The following WDR70 variants were observed in gnomAD, a reference collection of about 807,000 sequenced individuals.
WDR70 encodes the protein WD repeat-containing protein 70.
WDR70 carries 53 observed loss-of-function variants against 88.6 expected under a neutral mutation model. The observed-to-expected ratio is 0.60, with a 90% CI of 0.48 to 0.75. The LOEUF is 0.75. Among genes scored for constraint, WDR70 ranks in the 30% least tolerant of loss-of-function variants. WDR70 has a pLI of 0.00. For missense variants in WDR70, 610 were observed against 823.2 expected (o/e 0.74, Z 3.17); for synonymous variants, 280 against 270.0 (o/e 1.04, Z -0.36).
At chr5:37,650,313 A>G (rs1412664258) in intron 10 of WDR70, among the ~76,000 whole-genome samples, 1 of 151,840 alleles carries the variant, frequency 6.6e-6, no homozygotes. Flanking sequence ...AGCGGGGAGG[A>G]TGGTGTGAAC....
In WDR70 at chr5:37,392,222, A is replaced by G. The variant is rs961831069; in HGVS notation, c.296+102A>G. 5.9e-5 allele frequency: 79 copies of G among 1,348,704 alleles called. 1 individual carries two copies. The East Asian group carries it at 1.5e-3, about 26-fold the overall frequency. 83.5% of individuals were successfully genotyped at this position (1,348,704 alleles called of 1,614,324 possible). A position where few individuals can be genotyped will look rare whatever the true frequency, so the allele number is the denominator to read the frequency against. Reference sequence around the variant, plus strand: ...TTTTTTTGAGATGGAGTCTTGCTCTATCGCCCTCTGCAGTGCAGTGGCGTG... The same window carrying G: ...TTTTTTTGAGATGGAGTCTTGCTCTGTCGCCCTCTGCAGTGCAGTGGCGTG... On this transcript the variant is annotated intron_variant, in intron 4 of 17. Coordinates refer to ENST00000265107, the MANE Select transcript of WDR70 (RefSeq NM_018034.4).
intron 10 of WDR70, among the ~76,000 whole-genome samples, chr5:37,639,962 C>T (rs745942713): frequency 3.3e-5 from 5 of 152,198 alleles, no homozygotes; most frequent in East Asian, 1.9e-4. Context: ...ATTCTCACTT[C>T]GCAGATGAGA....
At chr5:37,423,077 G>A (rs1749996009) in intron 5 of WDR70, among the ~76,000 whole-genome samples, 1 of 151,964 alleles carries the variant, frequency 6.6e-6, no homozygotes, top group Admixed American at 6.5e-5. Context: ...GAAGTGAAGA[G>A]GATGGAAGTG....
intron 11 of WDR70, among the ~76,000 whole-genome samples, chr5:37,699,402 T>TATACACACAC (rs752211783): frequency 2.8e-5 from 2 of 70,774 alleles, no homozygotes; most frequent in Non-Finnish European, 5.7e-5. Flanking sequence ...TATATATATA[T>TATACACACAC]ACACACACAC....
At chr5:37,584,308 C>A (rs1207965142) in intron 9 of WDR70, among the ~76,000 whole-genome samples, 2 of 152,186 alleles carry the variant, frequency 1.3e-5, no homozygotes, top group East Asian at 3.9e-4. Context: ...CACATTTTGA[C>A]ATTTCACGAT....
In WDR70 at chr5:37,499,590, TCTCTCTC is replaced by T. The variant is rs1561876791; in HGVS notation, c.841-16923_841-16917del. On this transcript the variant is annotated intron_variant, in intron 8 of 17. Coordinates refer to ENST00000265107, the MANE Select transcript of WDR70 (RefSeq NM_018034.4). ...TTAAATATGTGATTTGGAAATATTC[TCTCTCTC>T]TCTCTCTCTCTCTCTCTCTCTCTCT... Among the ~76,000 whole-genome samples, 299 of 134,556 alleles carry T rather than the reference TCTCTCTC, an allele frequency of 2.2e-3. 7 individuals carry two copies. The highest frequency in any genetic ancestry group is 0.016 in the Middle Eastern group (4 of 246). 88.3% of individuals were successfully genotyped at this position (134,556 alleles called of 152,430 possible). A position where few individuals can be genotyped will look rare whatever the true frequency, so the allele number is the denominator to read the frequency against.
At chr5:37,634,350 G>T (rs1217085130) in intron 10 of WDR70, among the ~76,000 whole-genome samples, 1 of 151,180 alleles carries the variant, frequency 6.6e-6, no homozygotes, top group Non-Finnish European at 1.5e-5. Context: ...CATATTTTGT[G>T]TTTCCTAATT....
At chr5:37,617,694 C>T (rs1245473542) in intron 10 of WDR70, among the ~76,000 whole-genome samples, 1 of 152,180 alleles carries the variant, frequency 6.6e-6, no homozygotes, top group Non-Finnish European at 1.5e-5. Flanking sequence ...ATAGCAGGGA[C>T]TTGATAAGTA....
intron 9 of WDR70, among the ~76,000 whole-genome samples, 194 bp downstream of exon 9, chr5:37,516,784 C>T (rs886506179): frequency 8.8e-5 from 13 of 148,112 alleles, no homozygotes; most frequent in Admixed American, 3.4e-4. Flanking sequence ...TGCAGTGGTA[C>T]GATCTTGGCT....
At chr5:37,730,847 C>T (rs537643052) in intron 17 of WDR70, among the ~76,000 whole-genome samples, 2 of 152,278 alleles carry the variant, frequency 1.3e-5, no homozygotes, top group South Asian at 2.1e-4. Flanking sequence ...CAGTCCTCTA[C>T]TCATTATTCG....
intron 9 of WDR70, among the ~76,000 whole-genome samples, chr5:37,592,310 A>C (rs1233469311): frequency 6.6e-6 from 1 of 152,194 alleles, no homozygotes; most frequent in African/African-American, 2.4e-5. Flanking sequence ...CAAAAATGTC[A>C]TTGTCTCAGT....
chr5:37,538,690 T>C (rs1047385223), intron 9 of WDR70, among the ~76,000 whole-genome samples: 1 of 152,162 alleles, frequency 6.6e-6, no homozygotes. Flanking sequence ...GAGGCCAATG[T>C]AGGAATGAAA....
At chr5:37,478,924 A>G (rs1248597422) in intron 7 of WDR70, among the ~76,000 whole-genome samples, 2 of 152,192 alleles carry the variant, frequency 1.3e-5, no homozygotes, top group Non-Finnish European at 2.9e-5. Flanking sequence ...GATCAGTTTT[A>G]GTGGAATGGT....
intron 10 of WDR70, among the ~76,000 whole-genome samples, chr5:37,619,775 T>C (rs137958211): frequency 6.6e-6 from 1 of 152,046 alleles, no homozygotes; most frequent in Non-Finnish European, 1.5e-5. Context: ...TTTCTTCTAC[T>C]AATTACCCAA....
At chr5:37,561,938 A>T (rs979409366) in intron 9 of WDR70, among the ~76,000 whole-genome samples, 3 of 152,218 alleles carry the variant, frequency 2.0e-5, no homozygotes, top group African/African-American at 7.2e-5. Flanking sequence ...GTGGCAAGGA[A>T]AAAAGAGGCA....
intron 9 of WDR70, among the ~76,000 whole-genome samples, chr5:37,579,042 G>A (rs1743137060): frequency 2.0e-5 from 3 of 152,222 alleles, no homozygotes. Flanking sequence ...ACACAATTAA[G>A]AGAAATACTG....
chr5:37,485,688 AATT>A (rs367913868), intron 8 of WDR70, among the ~76,000 whole-genome samples: 4 of 151,422 alleles, frequency 2.6e-5, no homozygotes, highest in Admixed American at 2.6e-4. Flanking sequence ...TCATTCATTT[AATT>A]ATTATTATTA....
chr5:37,610,425 T>C (rs1044622313), intron 10 of WDR70, among the ~76,000 whole-genome samples: 3 of 152,094 alleles, frequency 2.0e-5, no homozygotes, highest in African/African-American at 4.8e-5. Context: ...ACATGAAATA[T>C]GTGCTTTTCA....
chr5:37,631,906 G>T (rs539208683), intron 10 of WDR70, among the ~76,000 whole-genome samples: 2 of 152,164 alleles, frequency 1.3e-5, no homozygotes, highest in South Asian at 4.1e-4. Context: ...CAGCAGAGCC[G>T]GGTGAGTGGG....
Sources: gnomAD v4.1 joint callset for allele counts (sites outside exome capture counted in the v4.1 genomes callset) on GRCh38, gnomAD v4.1.1 for gene constraint, MANE v1.5 for transcripts, NCBI Gene and HGNC (gene_info 2026-07-23, HGNC 2026-07-21) for gene names.